Variants in GABPB1 observed in about 807,000 individuals in gnomAD.
GABPB1 encodes the protein GA binding protein transcription factor subunit beta 1.
A neutral mutation model predicts 45.9 loss-of-function variants in GABPB1; 15 were observed. The observed-to-expected ratio is 0.33, with a 90% CI of 0.22 to 0.50. The LOEUF (loss-of-function observed/expected upper bound fraction) is 0.50. GABPB1 is among the 20% of genes least tolerant of loss of function. The pLI is 0.98. For synonymous variants in GABPB1, 143 were observed against 154.4 expected (o/e 0.93, Z 0.55); for missense variants, 252 against 457.5 (o/e 0.55, Z 4.10).
At chr15:50,316,324 C>G (rs2047326053) in intron 1 of GABPB1, among the ~76,000 whole-genome samples, 1 of 152,152 alleles carries the variant, frequency 6.6e-6, no homozygotes, top group East Asian at 1.9e-4. Context: ...CCGTAATTTA[C>G]AGCTTATAGA....
chr15:50,311,198 T>C (rs2047121413), intron 1 of GABPB1, among the ~76,000 whole-genome samples: 1 of 152,112 alleles, frequency 6.6e-6, no homozygotes, highest in African/African-American at 2.4e-5. Flanking sequence ...ATTCAAGGGA[T>C]GACAGTTCTG....
chr15:50,348,806 G>A (rs1322984719), intron 1 of GABPB1: 3 of 152,068 alleles, frequency 2.0e-5, no homozygotes, highest in Non-Finnish European at 4.4e-5. Flanking sequence ...AGATTGCACT[G>A]AGCTAAGATC....
At position 50,321,651 on chromosome 15, in the gene GABPB1, G is replaced by A. The variant is rs1052586940; in HGVS notation, c.1-11853C>T. Among the ~76,000 whole-genome samples, 8 of 148,952 alleles carry A rather than the reference G, an allele frequency of 5.4e-5. No individual in the cohort carries two copies. The South Asian group carries it at 6.3e-4, about 12-fold the overall frequency. On this transcript the variant is annotated intron_variant, in intron 1 of 8. Transcript: ENST00000380877. The stretch of plus-strand genomic sequence containing the variant: ...CAGGAGGCAGAGGTTGCAGCGAGCC[G>A]AGATTCCGCCATTGCACTCCAGCCT...
At chr15:50,308,899 A>G (rs2047034960) in intron 2 of GABPB1, among the ~76,000 whole-genome samples, 1 of 152,214 alleles carries the variant, frequency 6.6e-6, no homozygotes, top group Non-Finnish European at 1.5e-5. Flanking sequence ...ACAAAAAATA[A>G]TACAGTAGAC....
intron 1 of GABPB1, chr15:50,351,873 T>C (rs2048845235): frequency 6.6e-6 from 1 of 152,278 alleles, no homozygotes; most frequent in African/African-American, 2.4e-5. Context: ...AAAACTATAA[T>C]ACTAATTGTA....
intron 2 of GABPB1, among the ~76,000 whole-genome samples, chr15:50,306,997 T>C (rs981711872): frequency 3.9e-5 from 6 of 152,170 alleles, no homozygotes; most frequent in Non-Finnish European, 8.8e-5. Context: ...GTTTTTGTGT[T>C]ATTATGAATA....
At chr15:50,341,605 G>A (rs952987317) in intron 1 of GABPB1, among the ~76,000 whole-genome samples, 3 of 152,062 alleles carry the variant, frequency 2.0e-5, no homozygotes, top group Admixed American at 6.6e-5. Flanking sequence ...GTCCCAGCAT[G>A]AGCCTGAAAT....
chr15:50,301,184 T>C lies in GABPB1; in HGVS notation c.583+73A>G, dbSNP rs753624991. 7.0e-6 allele frequency: 11 copies of C among 1,577,880 alleles called. No homozygotes were observed. In the East Asian group the frequency reaches 2.5e-4, roughly 35 times the overall value. ...ACAAGGATGAATACCTACTAAAGCA[T>C]AAAATCCCAAAGCCTATCCTATATG... On this transcript the variant is annotated intron_variant, in intron 5 of 8. Transcript: ENST00000380877.
At chr15:50,296,078 T>A (rs1200910166) in intron 6 of GABPB1, among the ~76,000 whole-genome samples, 1 of 152,122 alleles carries the variant, frequency 6.6e-6, no homozygotes, top group Non-Finnish European at 1.5e-5. Flanking sequence ...AATTCCTGAG[T>A]GAAATGGCAT....
chr15:50,314,411 C>T (rs62022569), intron 1 of GABPB1: 42,904 of 152,278 alleles, frequency 0.28, 7,485 homozygotes, highest in Middle Eastern at 0.42. Flanking sequence ...TCTCGATCTC[C>T]TCACCTCGTG....
At chr15:50,354,788 C>T (rs2049030941) in intron 1 of GABPB1, 197 bp downstream of exon 1, 1 of 229,764 alleles carries the variant, frequency 4.4e-6, no homozygotes, top group Non-Finnish European at 8.7e-6. Flanking sequence ...AGCGGCGGCG[C>T]GGGCGCCCAG....
In GABPB1 at chr15:50,306,123, G is replaced by A. The variant is rs368551932; in HGVS notation, c.109-1990C>T. ...CAGAGTAGCTAGGACTACAGGCTGA[G>A]CCACCATGCCTGACTAATTTTTTTC... On this transcript the variant is annotated intron_variant, in intron 2 of 8. Coordinates refer to ENST00000380877, the MANE Select transcript of GABPB1 (RefSeq NM_016654.5). Among the ~76,000 whole-genome samples, 19 of 152,178 alleles carry A rather than the reference G, an allele frequency of 1.2e-4. No homozygotes were observed. In the East Asian group the frequency reaches 3.3e-3, roughly 26 times the overall value.
intron 1 of GABPB1, among the ~76,000 whole-genome samples, chr15:50,336,055 G>A (rs938977387): frequency 6.6e-6 from 1 of 150,848 alleles, no homozygotes; most frequent in Non-Finnish European, 1.5e-5. Flanking sequence ...TAATATATTA[G>A]AAAATGATTT....
chr15:50,348,256 T>C (rs1253845509), intron 1 of GABPB1, among the ~76,000 whole-genome samples: 2 of 152,030 alleles, frequency 1.3e-5, no homozygotes, highest in African/African-American at 4.8e-5. Context: ...CAGGAGTAGT[T>C]TTTTAAATTT....
At chr15:50,286,005 C>A in intron 8 of GABPB1, 63 bp downstream of exon 8, 1 of 1,577,620 alleles carries the variant, frequency 6.3e-7, no homozygotes. Context: ...ATATAAAAGA[C>A]AAAAAAAATT....
At chr15:50,353,732 T>A (rs909952916) in intron 1 of GABPB1, 11 of 152,210 alleles carry the variant, frequency 7.2e-5, no homozygotes, top group African/African-American at 2.7e-4. Flanking sequence ...TGAGATAAAC[T>A]ATCTACAGGA....
Position 50,288,675 on chromosome 15 carries a change from C to T in GABPB1, c.883+808G>A, listed in dbSNP as rs549950022. On this transcript the variant is annotated intron_variant, in intron 7 of 8. Transcript: ENST00000380877. ...AAAAATGTGGAATTCTGAGGTTTTT[C>T]TCAGCCTTTTAGTTTCACTGAAAAT... Among the ~76,000 whole-genome samples the T allele has an allele frequency of 1.1e-4, 17 of 152,254 alleles. No individual in the cohort carries two copies. The East Asian group carries it at 3.3e-3, about 29-fold the overall frequency.
At chr15:50,286,034 T>A in intron 8 of GABPB1, 34 bp downstream of exon 8, 3 of 1,600,838 alleles carry the variant, frequency 1.9e-6, no homozygotes, top group South Asian at 2.3e-5. Context: ...TTTGGATGAC[T>A]GCGGCAAAGC....
chr15:50,291,633 T>TA (rs1290767283), intron 6 of GABPB1, among the ~76,000 whole-genome samples: 3 of 151,334 alleles, frequency 2.0e-5, no homozygotes, highest in African/African-American at 7.3e-5. Flanking sequence ...GCCTGAATTT[T>TA]AAAAAATCTT....
Sources: gnomAD v4.1 joint callset for allele counts (sites outside exome capture counted in the v4.1 genomes callset) on GRCh38, gnomAD v4.1.1 for gene constraint, MANE v1.5 for transcripts, NCBI Gene and HGNC (gene_info 2026-07-23, HGNC 2026-07-21) for gene names.